Variants in DOCK9 observed in about 807,000 individuals in gnomAD.
DOCK9 encodes the protein dedicator of cytokinesis 9.
Under a neutral mutation model 263.3 loss-of-function variants are expected in DOCK9, and 89 were observed. That is an observed-to-expected ratio of 0.34 (90% confidence interval 0.28 to 0.40). The LOEUF (loss-of-function observed/expected upper bound fraction) is 0.40, where lower values mean the gene tolerates loss of function less well. Ranked by LOEUF, DOCK9 falls within the 10% of genes least tolerant of loss-of-function variation. DOCK9 has a pLI of 1.00. For missense variants in DOCK9, 2,140 were observed against 2,603.4 expected (o/e 0.82, Z 3.87); for synonymous variants, 976 against 973.1 (o/e 1.00, Z -0.06).
At chr13:98,901,483 A>G (rs569227783) in intron 13 of DOCK9, among the ~76,000 whole-genome samples, 14 of 152,338 alleles carry the variant, frequency 9.2e-5, no homozygotes, top group African/African-American at 3.1e-4. Flanking sequence ...CTCTATTTGA[A>G]TATCATACAT....
intron 18 of DOCK9, 31 bp downstream of exon 18, chr13:98,888,127 G>A (rs778745743): frequency 1.9e-4 from 283 of 1,471,114 alleles, no homozygotes; most frequent in Non-Finnish European, 2.3e-4. Flanking sequence ...ATCAGAATTC[G>A]TAGGTGAACA....
chr13:98,903,351 T>C (rs1250723107), intron 10 of DOCK9, among the ~76,000 whole-genome samples: 2 of 152,122 alleles, frequency 1.3e-5, no homozygotes, highest in Non-Finnish European at 2.9e-5. Flanking sequence ...TCCAGCACTT[T>C]GGGAGGCCGA....
chr13:99,036,062 T>C (rs1455359556), intron 1 of DOCK9, among the ~76,000 whole-genome samples: 1 of 152,318 alleles, frequency 6.6e-6, no homozygotes, highest in Admixed American at 6.5e-5. Context: ...AGCCTCGCAA[T>C]TTTGGACTTT....
Position 98,909,029 on chromosome 13 carries a change from G to T in DOCK9, c.961-4323C>A, listed in dbSNP as rs533352171. ...ACCTGTGGTCAGTCTATATTGTGAT[G>T]GTAAGAAGAGCCAACTGGCTTTTCC... is the stretch of plus-strand genomic sequence containing the variant. On this transcript the variant is annotated intron_variant, in intron 9 of 52. Coordinates refer to ENST00000682017, the MANE Select transcript of DOCK9 (RefSeq NM_001366683.2). Among the ~76,000 whole-genome samples the T allele has an allele frequency of 3.3e-5, 5 of 152,260 alleles. No homozygotes were observed. The South Asian group carries it at 1.0e-3, about 32-fold the overall frequency.
intron 27 of DOCK9, among the ~76,000 whole-genome samples, chr13:98,871,210 C>T (rs749985376): frequency 4.6e-5 from 7 of 152,150 alleles, no homozygotes; most frequent in African/African-American, 7.2e-5. Flanking sequence ...CTGGGAACGG[C>T]TTAAAATACT....
chr13:98,919,267 G>A (rs531623124), intron 7 of DOCK9, among the ~76,000 whole-genome samples: 3 of 152,074 alleles, frequency 2.0e-5, no homozygotes, highest in African/African-American at 4.8e-5. Context: ...CCACCACCAC[G>A]CCTGGCTAAT....
chr13:99,035,495 G>A (rs913099033), intron 1 of DOCK9, among the ~76,000 whole-genome samples: 2 of 152,300 alleles, frequency 1.3e-5, no homozygotes, highest in Middle Eastern at 3.4e-3. Context: ...AGTGATACGT[G>A]CAATTTTAAA....
At chr13:99,028,600 C>T (rs1408847433) in intron 1 of DOCK9, among the ~76,000 whole-genome samples, 2 of 152,152 alleles carry the variant, frequency 1.3e-5, no homozygotes, top group Non-Finnish European at 2.9e-5. Flanking sequence ...CTTCTTCTTG[C>T]ATTATTTATA....
chr13:98,803,215 G>T (rs1406864604), intron 49 of DOCK9, among the ~76,000 whole-genome samples: 1 of 152,198 alleles, frequency 6.6e-6, no homozygotes. Flanking sequence ...TGTTCCCGCA[G>T]ATACAGAGCA....
At chr13:98,979,481 C>T (rs1383631343), upstream of DOCK9, among the ~76,000 whole-genome samples, 1 of 152,154 alleles carries the variant, frequency 6.6e-6, no homozygotes, top group African/African-American at 2.4e-5. Context: ...GCACCTGCTG[C>T]AGCTGCTCTA....
At chr13:98,981,737 C>T (rs1877261043), upstream of DOCK9, among the ~76,000 whole-genome samples, 1 of 152,210 alleles carries the variant, frequency 6.6e-6, no homozygotes, top group Admixed American at 6.5e-5. Flanking sequence ...AGGAGAGTCA[C>T]ATGGCACCGC....
In DOCK9 at chr13:98,962,841, T is replaced by C. The variant is rs1406707098; in HGVS notation, c.127-7290A>G. Among the ~76,000 whole-genome samples the C allele has an allele frequency of 3.9e-5, 6 of 152,040 alleles. 1 individual carries two copies. The highest frequency in any genetic ancestry group is 8.8e-5 in the Non-Finnish European group (6 of 68,012). On this transcript the variant is annotated intron_variant, in intron 1 of 52. Coordinates refer to ENST00000682017, the MANE Select transcript of DOCK9 (RefSeq NM_001366683.2). ...CCGTAGATGGGACTGAGTATTGCTGTGGTGTGTGCCAGGGAAGACGAAGAA... is the reference window on the plus strand; with the variant it reads ...CCGTAGATGGGACTGAGTATTGCTGCGGTGTGTGCCAGGGAAGACGAAGAA...
intron 17 of DOCK9, 51 bp downstream of exon 17, chr13:98,888,309 T>A: frequency 2.5e-6 from 4 of 1,604,786 alleles, no homozygotes; most frequent in Non-Finnish European, 3.4e-6. Context: ...GGACGCTGAA[T>A]CTAAAGGGAG....
upstream of DOCK9, among the ~76,000 whole-genome samples, chr13:98,979,180 ATAGTAGTAGTAGTAGTAGTAGTAGTAG>A (rs56125832): frequency 7.5e-6 from 1 of 132,788 alleles, no homozygotes; most frequent in Admixed American, 7.6e-5. Context: ...AGCAGCAGCA[ATAGTAGTAGTAGTAGTAGTAGTAGTAG>A]TAGTAGTAGT....
chr13:98,860,103 A>C, intron 33 of DOCK9: 1 of 1,037,520 alleles, frequency 9.6e-7, no homozygotes, highest in East Asian at 3.2e-5. Flanking sequence ...ATCCCTTAAC[A>C]GTATACACAA....
chr13:99,052,158 T>C (rs1373334458), intron 1 of DOCK9, among the ~76,000 whole-genome samples: 2 of 152,190 alleles, frequency 1.3e-5, no homozygotes, highest in African/African-American at 4.8e-5. Flanking sequence ...GTGGGGATGA[T>C]GGGCACAGCT....
intron 1 of DOCK9, among the ~76,000 whole-genome samples, chr13:99,046,186 A>G (rs893171151): frequency 2.6e-5 from 4 of 152,218 alleles, no homozygotes; most frequent in African/African-American, 9.6e-5. Flanking sequence ...AAAGGCAGAA[A>G]TGTATGTCCC....
intron 3 of DOCK9, among the ~76,000 whole-genome samples, chr13:98,927,707 G>A (rs978937676): frequency 3.3e-5 from 5 of 151,722 alleles, no homozygotes; most frequent in Non-Finnish European, 5.9e-5. Context: ...TGCAACCTCT[G>A]CCTCCCGGGT....
At chr13:98,957,943 CACA>C (rs2058241425) in intron 1 of DOCK9, among the ~76,000 whole-genome samples, 1 of 152,160 alleles carries the variant, frequency 6.6e-6, no homozygotes, top group Non-Finnish European at 1.5e-5. Flanking sequence ...CAGGCACAGG[CACA>C]GGCACAGGCT....
Sources: gnomAD v4.1 joint callset for allele counts (sites outside exome capture counted in the v4.1 genomes callset) on GRCh38, gnomAD v4.1.1 for gene constraint, MANE v1.5 for transcripts, NCBI Gene and HGNC (gene_info 2026-07-23, HGNC 2026-07-21) for gene names.